LIFR: variants seen among roughly 807,000 people sequenced by gnomAD.
The protein encoded by LIFR is LIF receptor subunit alpha.
A neutral mutation model predicts 122.2 loss-of-function variants in LIFR; 84 were observed. The ratio of observed to expected loss-of-function variants is 0.69; its 90% CI spans 0.58 to 0.82. LIFR has a LOEUF of 0.82. Among genes scored for constraint, LIFR ranks in the 40% least tolerant of loss-of-function variants. The probability of loss-of-function intolerance (pLI) is 0.00; values close to 1 mark genes in which losing one functional copy is unlikely to be tolerated. For synonymous variants in LIFR, 422 were observed against 434.7 expected, an observed-to-expected ratio of 0.97 and a Z score of 0.36; for missense variants, 1,294 against 1,311.6, an observed-to-expected ratio of 0.99 and a Z score of 0.21.
chr5:38,532,149 T>C (rs1394751358), intron 1 of LIFR, among the ~76,000 whole-genome samples: 4 of 152,148 alleles, frequency 2.6e-5, no homozygotes, highest in Non-Finnish European at 1.5e-5. Context: ...CTAAACATTA[T>C]CTTGAAATGA....
rs1185074069 is a variant in LIFR, at chr5:38,493,731, C to T, written c.1940G>A (p.Trp647Ter). 5 of 1,614,060 alleles carry T rather than the reference C, an allele frequency of 3.1e-6. No homozygotes were observed. The East Asian group carries it at 1.1e-4, about 36-fold the overall frequency. The stretch of plus-strand genomic sequence containing the variant: ...GCAAGTCATGTTGGGGTCGTAATGC[C>T]AGGTGAGGAGAATCCCCTTTCCCAT... ...VGMGKGILLTWHYDPNMTCDY... is the reference protein window; with the variant it reads ...VGMGKGILLT The change falls in exon 14 of 20, where the codon TGG (tryptophan) becomes TAG (stop). Residue 647 changes from tryptophan (W) to a stop codon, truncating the protein, a stop_gained. Coordinates refer to ENST00000453190, the MANE Select transcript of LIFR (RefSeq NM_001127671.2). LOFTEE classifies it high-confidence loss of function.
rs768650041 is a variant in LIFR, at chr5:38,496,636, G to GT, written c.1672-42dup. ...AAATTGTTATAAAACCCTGCAAAAC[G>GT]TGACTGTGACTAGGCAAGGTAATTG... On this transcript the variant is annotated intron_variant, in intron 12 of 19. Coordinates refer to ENST00000453190, the MANE Select transcript of LIFR (RefSeq NM_001127671.2). 6.5e-5 allele frequency: 91 copies of GT among 1,399,802 alleles called. 1 individual carries two copies. Among genetic ancestry groups the GT allele is most frequent in the Non-Finnish European group, 3.0e-6 (3 of 986,676 alleles). The allele number at this position is 1,399,802 out of a possible 1,614,324, so 86.7% of individuals were successfully genotyped here. A position where few individuals can be genotyped will look rare whatever the true frequency, so the allele number is the denominator to read the frequency against.
chr5:38,479,284 G>A lies in LIFR; in HGVS notation c.*2311C>T, dbSNP rs762499948. 1.7e-5 allele frequency: 4 copies of A among 231,708 alleles called. No homozygotes were observed. Among genetic ancestry groups the A allele is most frequent in the East Asian group, 1.2e-4 (2 of 16,444 alleles). The allele number at this position is 231,708 out of a possible 1,614,324, so 14.4% of individuals were successfully genotyped here. A position where few individuals can be genotyped will look rare whatever the true frequency, so the allele number is the denominator to read the frequency against. On this transcript the variant is annotated 3_prime_UTR_variant, in exon 20 of 20. Transcript: ENST00000453190. The stretch of plus-strand genomic sequence containing the variant: ...AAGGAGCTTGCCCAGACTTAATAGC[G>A]TTACTCTGCTTCTCATTAAGCTAGT...
At chr5:38,567,508 T>TTATTTATGTATTTATG (rs1289925358) in intron 1 of LIFR, among the ~76,000 whole-genome samples, 1 of 145,456 alleles carries the variant, frequency 6.9e-6, no homozygotes, top group Non-Finnish European at 1.5e-5. Context: ...ATTTATTTAT[T>TTATTTATGTATTTATG]TATTTATTTA....
chr5:38,544,712 C>T (rs1747780461), intron 1 of LIFR, among the ~76,000 whole-genome samples: 1 of 152,116 alleles, frequency 6.6e-6, no homozygotes. Context: ...CCCTCCCTCC[C>T]CACCTAGATG....
chr5:38,504,254 T>G, intron 9 of LIFR, 133 bp from the exon 10 acceptor site: 2 of 647,952 alleles, frequency 3.1e-6, no homozygotes, highest in East Asian at 5.5e-5. Context: ...TACCCAGTAT[T>G]TGTGGAATTG....
chr5:38,523,628 T>C (rs1561173523), intron 4 of LIFR, 46 bp from the exon 5 acceptor site: 5 of 1,430,916 alleles, frequency 3.5e-6, no homozygotes, highest in Non-Finnish European at 4.9e-6. Flanking sequence ...AAATAAGTAA[T>C]GATTTTTCAT....
At chr5:38,587,207 A>G (rs1749778313) in intron 1 of LIFR, among the ~76,000 whole-genome samples, 1 of 151,804 alleles carries the variant, frequency 6.6e-6, no homozygotes, top group Non-Finnish European at 1.5e-5. Flanking sequence ...CATCCCATGG[A>G]GTCTAATGGG....
Position 38,567,052 on chromosome 5 carries a change from A to G in LIFR, c.-20+28209T>C, listed in dbSNP as rs186687887. The stretch of plus-strand genomic sequence containing the variant: ...AGATGACCCAGTCTAAGTGAATCAG[A>G]CCATTTATCCCTCTGGGCCTAGGAC... On this transcript the variant is annotated intron_variant, in intron 1 of 19. Coordinates refer to the LIFR transcript ENST00000263409. Among the ~76,000 whole-genome samples the G allele has an allele frequency of 3.9e-5, 6 of 152,256 alleles. No individual in the cohort carries two copies. In the East Asian group the frequency reaches 1.2e-3, roughly 29 times the overall value.
chr5:38,540,489 G>A (rs1419903001), intron 1 of LIFR, among the ~76,000 whole-genome samples: 1 of 152,134 alleles, frequency 6.6e-6, no homozygotes, highest in Non-Finnish European at 1.5e-5. Context: ...CCAACTCTAA[G>A]TACACTTTTA....
chr5:38,497,639 C>G (rs1744953733), intron 12 of LIFR, among the ~76,000 whole-genome samples: 1 of 151,912 alleles, frequency 6.6e-6, no homozygotes, highest in Non-Finnish European at 1.5e-5. Context: ...AAGTAAAAAT[C>G]TCCCATATTC....
chr5:38,507,425 G>A (rs1399949582), intron 7 of LIFR, among the ~76,000 whole-genome samples: 1 of 151,808 alleles, frequency 6.6e-6, no homozygotes, highest in East Asian at 1.9e-4. Context: ...TTAGCCGGGT[G>A]TGGTGGAGGG....
chr5:38,533,677 A>C (rs1747140963), intron 1 of LIFR, among the ~76,000 whole-genome samples: 1 of 152,180 alleles, frequency 6.6e-6, no homozygotes, highest in African/African-American at 2.4e-5. Flanking sequence ...CCTGTCCCCC[A>C]ACCCCTCTCT....
chr5:38,496,005 G>C (rs1157132042), intron 13 of LIFR, among the ~76,000 whole-genome samples: 1 of 149,896 alleles, frequency 6.7e-6, no homozygotes, highest in Non-Finnish European at 1.5e-5. Flanking sequence ...CCAACAATTT[G>C]CAAAACAGCC....
At chr5:38,576,640 A>G (rs1406324423) in intron 1 of LIFR, among the ~76,000 whole-genome samples, 1 of 152,226 alleles carries the variant, frequency 6.6e-6, no homozygotes, top group Non-Finnish European at 1.5e-5. Flanking sequence ...GAAGGCTTAG[A>G]GGCTTGGCTG....
chr5:38,505,591 G>A (rs1580060500), intron 9 of LIFR, among the ~76,000 whole-genome samples: 1 of 152,004 alleles, frequency 6.6e-6, no homozygotes, highest in South Asian at 2.1e-4. Context: ...GGGTTCACAA[G>A]GCTCTTATTA....
chr5:38,482,338 T>TTTCG, intron 19 of LIFR, 120 bp from the exon 20 acceptor site: 1 of 906,038 alleles, frequency 1.1e-6, no homozygotes, highest in African/African-American at 2.1e-5. Flanking sequence ...TCTACTACTC[T>TTTCG]GTATTTCACA....
intron 9 of LIFR, among the ~76,000 whole-genome samples, chr5:38,505,401 TACACACACACACACACAC>T (rs58882043): frequency 7.2e-5 from 10 of 139,386 alleles, no homozygotes; most frequent in Non-Finnish European, 9.3e-5. Flanking sequence ...TGCATAGAAC[TACACACACACACACACAC>T]ACACACACAC....
intron 12 of LIFR, among the ~76,000 whole-genome samples, chr5:38,497,072 CG>C (rs1744921620): frequency 1.3e-5 from 2 of 151,966 alleles, no homozygotes; most frequent in Non-Finnish European, 1.5e-5. Flanking sequence ...CCGAGGCAGG[CG>C]GATCATGAGG....
Sources: allele counts gnomAD v4.1 joint callset (sites outside exome capture counted in the v4.1 genomes callset), GRCh38; gene constraint gnomAD v4.1.1; transcripts MANE v1.5; gene names NCBI Gene and HGNC (gene_info 2026-07-23, HGNC 2026-07-21).